MAP4: variants seen among roughly 807,000 people sequenced by gnomAD.
MAP4 encodes the protein microtubule associated protein 4, also known as microtubule-associated protein 4.
In MAP4, 76 loss-of-function variants were observed where a neutral mutation model predicts 170.2. The observed-to-expected ratio is 0.45, with a 90% confidence interval of 0.37 to 0.54. MAP4 has a LOEUF of 0.54. Ranked by LOEUF, MAP4 falls within the 20% of genes least tolerant of loss-of-function variation. The pLI is 0.00. For missense variants in MAP4, 2,506 were observed against 2,748.0 expected (o/e 0.91, Z 1.97); for synonymous variants, 909 against 994.5 (o/e 0.91, Z 1.62).
upstream of MAP4, among the ~76,000 whole-genome samples, chr3:48,021,152 C>A (rs1427409726): frequency 6.6e-6 from 1 of 152,142 alleles, no homozygotes; most frequent in Non-Finnish European, 1.5e-5. Flanking sequence ...AATAGAAAGA[C>A]ATCACACTCC....
At chr3:48,083,882 A>G (rs1170728035) in intron 1 of MAP4, among the ~76,000 whole-genome samples, 1 of 149,422 alleles carries the variant, frequency 6.7e-6, no homozygotes, top group Non-Finnish European at 1.5e-5. Context: ...GCTTGCCACC[A>G]TGCCAGCTAA....
intron 10 of MAP4, among the ~76,000 whole-genome samples, chr3:47,888,046 C>T (rs2097904765): frequency 6.6e-6 from 1 of 152,106 alleles, no homozygotes; most frequent in African/African-American, 2.4e-5. Flanking sequence ...TTTGTGAGTG[C>T]ACCAATCGAC....
intron 1 of MAP4, among the ~76,000 whole-genome samples, chr3:48,054,029 C>T (rs1451720168): frequency 6.6e-6 from 1 of 152,152 alleles, no homozygotes; most frequent in African/African-American, 2.4e-5. Context: ...CCCAGCCAGG[C>T]ATGGTGGCTC....
intron 2 of MAP4, among the ~76,000 whole-genome samples, chr3:47,984,223 C>T (rs1215080457): frequency 2.0e-5 from 3 of 151,840 alleles, no homozygotes; most frequent in Non-Finnish European, 4.4e-5. Flanking sequence ...GTATCAAACT[C>T]CTGGCTTCAA....
intron 3 of MAP4, chr3:47,973,712 C>T: frequency 1.0e-6 from 1 of 985,366 alleles, no homozygotes; most frequent in Non-Finnish European, 1.2e-6. Context: ...GCTACAGGGA[C>T]TGGTTACGAG....
At position 47,977,942 on chromosome 3, in the gene MAP4, A is replaced by G; in HGVS notation, c.224-9T>C. 2 of 1,586,354 alleles carry G rather than the reference A, an allele frequency of 1.3e-6. No individual in the cohort carries two copies. The highest frequency in any genetic ancestry group is 1.7e-6 in the Non-Finnish European group (2 of 1,155,186). On this transcript the variant is annotated splice_polypyrimidine_tract_variant and intron_variant, in intron 2 of 20. Coordinates refer to ENST00000683076, the MANE Select transcript of MAP4 (RefSeq NM_001385682.1). The stretch of plus-strand genomic sequence containing the variant: ...TTTAGAAGATGGAGTATCTGCAACA[A>G]TGACAAATAATTACCCATTGTGACA...
intron 3 of MAP4, among the ~76,000 whole-genome samples, chr3:47,959,107 T>TAA (rs1009121637): frequency 7.1e-6 from 1 of 141,660 alleles, no homozygotes; most frequent in Non-Finnish European, 1.6e-5. Flanking sequence ...AAGTGTGCAG[T>TAA]AAAAAAAAAA....
chr3:48,073,394 C>T (rs1259807426), intron 1 of MAP4, among the ~76,000 whole-genome samples: 1 of 151,466 alleles, frequency 6.6e-6, no homozygotes, highest in Non-Finnish European at 1.5e-5. Flanking sequence ...GTGGGATCAC[C>T]TGAGGTCGGG....
chr3:48,009,323 A>G (rs543814640), intron 1 of MAP4, among the ~76,000 whole-genome samples: 1 of 151,368 alleles, frequency 6.6e-6, no homozygotes, highest in East Asian at 1.9e-4. Context: ...CTGGTCTTGA[A>G]CTCCTGACTT....
chr3:47,998,785 T>C lies in MAP4; in HGVS notation c.76A>G (p.Ile26Val). The C allele has an allele frequency of 1.2e-6, 2 of 1,614,160 alleles. No individual in the cohort carries two copies. Among genetic ancestry groups the C allele is most frequent in the Non-Finnish European group, 1.7e-6 (2 of 1,180,004 alleles). ...AAGGCCTCTGCCTCTAGTGTGGCAA[T>C]GAAGTCCCGCTTTATCTCTCCCTCA... is the stretch of plus-strand genomic sequence containing the variant. ...DIEGEIKRDF[I>V]ATLEAEAFDD... Residue 26 changes from isoleucine to valine, a missense_variant, in exon 2 of 21, where the codon ATT becomes GTT. Ile to Val is a conservative substitution (Grantham distance 29, BLOSUM62 3). Transcript: ENST00000683076.
intron 10 of MAP4, among the ~76,000 whole-genome samples, chr3:47,888,290 G>C (rs559241930): frequency 1.3e-5 from 2 of 152,076 alleles, no homozygotes; most frequent in East Asian, 1.9e-4. Context: ...TAACCCGCTC[G>C]GGTCCCCTTC....
chr3:47,973,588 A>C (rs1306977386), intron 3 of MAP4: 2 of 984,832 alleles, frequency 2.0e-6, no homozygotes, highest in Non-Finnish European at 2.4e-6. Flanking sequence ...ACAAATTTCA[A>C]ACAAAAATAA....
chr3:47,851,049 C>G lies in MAP4; in HGVS notation c.*1885G>C, dbSNP rs962543313. On this transcript the variant is annotated 3_prime_UTR_variant, in exon 21 of 21. Transcript: ENST00000683076. Reference sequence around the variant, plus strand: ...AGACGCAGTGGAGGCAGCAGGTACTCTGGGCCTGTGCTGTTGCCCCTGAGG... The same window carrying G: ...AGACGCAGTGGAGGCAGCAGGTACTGTGGGCCTGTGCTGTTGCCCCTGAGG... The G allele has an allele frequency of 4.6e-5, 7 of 152,250 alleles. No homozygotes were observed. Among genetic ancestry groups the G allele is most frequent in the Non-Finnish European group, 8.8e-5 (6 of 68,076 alleles). The allele number at this position is 152,250 out of a possible 1,614,324, so 9.4% of individuals were successfully genotyped here.
intron 10 of MAP4, chr3:47,891,672 TATC>T: frequency 6.5e-7 from 1 of 1,536,352 alleles, no homozygotes; most frequent in South Asian, 1.2e-5. Flanking sequence ...TCCAACTCCT[TATC>T]ATGGTCTCTG....
chr3:47,933,380 AC>A (rs1467379058), intron 3 of MAP4, among the ~76,000 whole-genome samples: 3 of 152,192 alleles, frequency 2.0e-5, no homozygotes, highest in Non-Finnish European at 4.4e-5. Flanking sequence ...AGAATCATTT[AC>A]TTCCACACTT....
intron 8 of MAP4, among the ~76,000 whole-genome samples, chr3:47,914,286 G>A (rs149495420): frequency 8.6e-5 from 13 of 152,046 alleles, no homozygotes; most frequent in Admixed American, 1.3e-4. Context: ...GGCCAGGCAC[G>A]GTCGCTCACG....
chr3:48,054,546 C>G (rs1385757086), intron 1 of MAP4, among the ~76,000 whole-genome samples: 1 of 144,550 alleles, frequency 6.9e-6, no homozygotes, highest in Non-Finnish European at 1.5e-5. Flanking sequence ...AGGAGAATCA[C>G]TTGAACTCGA....
chr3:47,920,888 A>ATATT (rs1264142901), intron 5 of MAP4, among the ~76,000 whole-genome samples: 2 of 152,076 alleles, frequency 1.3e-5, no homozygotes, highest in Non-Finnish European at 2.9e-5. Flanking sequence ...CTGGGTGCAA[A>ATATT]GGCTCACGCC....
At position 47,916,811 on chromosome 3, in the gene MAP4, T is replaced by C; in HGVS notation, c.1016A>G (p.Glu339Gly). The change falls in exon 7 of 21, where the codon GAA becomes GGA. Residue 339 changes from glutamate (E) to glycine (G), a missense_variant. Transcript: ENST00000683076. ...SSAKNVVLPT[E>G]TEVAPAKDVT... Reference sequence around the variant, plus strand: ...ATCCTTGGCTGGGGCTACCTCTGTTTCTGTGGGCAGTACCACATTCTTGGC... The same window carrying C: ...ATCCTTGGCTGGGGCTACCTCTGTTCCTGTGGGCAGTACCACATTCTTGGC... 1 of 1,614,260 alleles carries C rather than the reference T, an allele frequency of 6.2e-7. No individual in the cohort carries two copies. Among genetic ancestry groups the C allele is most frequent in the South Asian group, 1.1e-5 (1 of 91,090 alleles).
Sources: gnomAD v4.1 joint callset for allele counts (sites outside exome capture counted in the v4.1 genomes callset) on GRCh38, gnomAD v4.1.1 for gene constraint, MANE v1.5 for transcripts, NCBI Gene and HGNC (gene_info 2026-07-23, HGNC 2026-07-21) for gene names.